The following AMZ2 variants were observed in gnomAD, a reference collection of about 807,000 sequenced individuals.
AMZ2 encodes the protein archaemetzincin-2.
AMZ2 carries 26 observed loss-of-function variants against 36.7 expected under a neutral mutation model. That is an observed-to-expected ratio of 0.71 (90% CI 0.52 to 0.98). The LOEUF (loss-of-function observed/expected upper bound fraction) is 0.98. Ranked by LOEUF, AMZ2 falls within the 50% of genes least tolerant of loss-of-function variation. The probability of loss-of-function intolerance (pLI) is 0.00; values close to 1 mark genes in which losing one functional copy is unlikely to be tolerated. For synonymous variants in AMZ2, 144 were observed against 149.1 expected, an observed-to-expected ratio of 0.97 and a Z score of 0.25; for missense variants, 394 against 430.5, an observed-to-expected ratio of 0.92 and a Z score of 0.75.
chr17:68,237,631 C>T (rs1555732930), intron 1 of AMZ2, among the ~76,000 whole-genome samples: 1 of 152,192 alleles, frequency 6.6e-6, no homozygotes, highest in Non-Finnish European at 1.5e-5. Flanking sequence ...GTTAATGGCT[C>T]ACGGTCCTAG....
intron 1 of AMZ2, among the ~76,000 whole-genome samples, chr17:68,217,933 C>T (rs1193442003): frequency 6.6e-6 from 1 of 151,782 alleles, no homozygotes; most frequent in Non-Finnish European, 1.5e-5. Flanking sequence ...CTGCCTCAGC[C>T]TCCTGAGTAG....
intron 1 of AMZ2, among the ~76,000 whole-genome samples, chr17:68,208,024 T>TC (rs1185461938): frequency 1.3e-5 from 2 of 152,052 alleles, no homozygotes; most frequent in African/African-American, 4.8e-5. Flanking sequence ...GTGCTCAATT[T>TC]CTCGCAGGGC....
rs1445941944 is a variant in AMZ2 at position 68,248,487 on chromosome 17, CCAGCCCACTG to C, written c.-215_-206del. On this transcript the variant is annotated 5_prime_UTR_variant, in exon 1 of 7. The change creates a premature stop within an existing upstream ORF in the 5' untranslated region. Coordinates refer to ENST00000359904, the MANE Select transcript of AMZ2 (RefSeq NM_016627.5). ...TTTGGGACCAAAGCATCCTAGGCCT[CCAGCCCACTG>C]CAGTGACCGAATTCTGCGCCCCCTG... The C allele has an allele frequency of 1.0e-6, 1 of 986,010 alleles. No homozygotes were observed. Among genetic ancestry groups the C allele is most frequent in the African/African-American group, 1.7e-5 (1 of 57,246 alleles). The allele number at this position is 986,010 out of a possible 1,614,324, so 61.1% of individuals were successfully genotyped here.
intron 1 of AMZ2, among the ~76,000 whole-genome samples, chr17:68,230,885 T>C (rs1309880675): frequency 6.6e-6 from 1 of 152,138 alleles, no homozygotes. Flanking sequence ...AAATGATAAA[T>C]TGGCAGATTG....
intron 5 of AMZ2, 101 bp from the exon 6 acceptor site, chr17:68,255,599 G>A: frequency 8.0e-7 from 1 of 1,254,446 alleles, no homozygotes; most frequent in Non-Finnish European, 1.1e-6. Context: ...GTAATGGTAA[G>A]GGAGTTGATT....
chr17:68,214,033 CAG>C (rs1428357119), intron 1 of AMZ2, among the ~76,000 whole-genome samples: 2 of 141,036 alleles, frequency 1.4e-5, no homozygotes, highest in African/African-American at 5.1e-5. Flanking sequence ...CTATTAATGA[CAG>C]GTTTTTTTTT....
At chr17:68,233,540 T>C (rs2073717725) in intron 1 of AMZ2, among the ~76,000 whole-genome samples, 1 of 149,580 alleles carries the variant, frequency 6.7e-6, no homozygotes, top group South Asian at 2.1e-4. Context: ...AGAGAAATTG[T>C]CTTCCCCTGC....
At chr17:68,255,397 A>G (rs2074822573) in intron 5 of AMZ2, among the ~76,000 whole-genome samples, 1 of 152,120 alleles carries the variant, frequency 6.6e-6, no homozygotes. Flanking sequence ...GTTGGCCTCT[A>G]GTGGGTAGAG....
At chr17:68,209,767 C>T (rs935636297) in intron 1 of AMZ2, among the ~76,000 whole-genome samples, 1 of 150,168 alleles carries the variant, frequency 6.7e-6, no homozygotes, top group Non-Finnish European at 1.5e-5. Flanking sequence ...ATTACAGGTG[C>T]CTGCCACCAT....
intron 1 of AMZ2, among the ~76,000 whole-genome samples, chr17:68,229,804 G>C (rs1555730776): frequency 6.6e-6 from 1 of 152,228 alleles, no homozygotes. Flanking sequence ...AGGGGTCCGG[G>C]CTGGTGTAGC....
intron 1 of AMZ2, among the ~76,000 whole-genome samples, chr17:68,224,390 G>A (rs1390812949): frequency 6.6e-6 from 1 of 152,232 alleles, no homozygotes; most frequent in Non-Finnish European, 1.5e-5. Flanking sequence ...AGGCTTCTGT[G>A]TTTACTGAGC....
chr17:68,209,604 G>GTGTGTATA (rs1324576987), intron 1 of AMZ2, among the ~76,000 whole-genome samples: 11 of 117,768 alleles, frequency 9.3e-5, no homozygotes, highest in African/African-American at 3.6e-4. Context: ...GTGTGTGTGT[G>GTGTGTATA]TATATGTATA....
At chr17:68,213,693 TCTC>T (rs1176216333) in intron 1 of AMZ2, among the ~76,000 whole-genome samples, 4 of 152,198 alleles carry the variant, frequency 2.6e-5, no homozygotes, top group Admixed American at 6.5e-5. Context: ...TCTGAGAACT[TCTC>T]CTGACAACTT....
chr17:68,248,796 C>A, intron 1 of AMZ2, 91 bp downstream of exon 1: 1 of 983,542 alleles, frequency 1.0e-6, no homozygotes, highest in East Asian at 8.8e-5. Flanking sequence ...GAGGATGAGC[C>A]TATGCTTATA....
intron 1 of AMZ2, among the ~76,000 whole-genome samples, chr17:68,223,603 G>A (rs1432824705): frequency 2.7e-5 from 4 of 150,110 alleles, no homozygotes; most frequent in Non-Finnish European, 5.9e-5. Context: ...GCAGTGGCAC[G>A]ATCTCAGCTC....
chr17:68,213,884 C>G (rs2073129014), intron 1 of AMZ2, among the ~76,000 whole-genome samples: 1 of 151,896 alleles, frequency 6.6e-6, no homozygotes, highest in Non-Finnish European at 1.5e-5. Context: ...TCGTCCAACC[C>G]TACTATCCAG....
At chr17:68,250,015 T>A in intron 1 of AMZ2, 173 bp from the exon 2 acceptor site, 3 of 659,028 alleles carry the variant, frequency 4.6e-6, no homozygotes, top group Non-Finnish European at 7.6e-6. Flanking sequence ...TTTAATTTCT[T>A]AGATCTCCAA....
chr17:68,256,207 G>A (rs1270634792), intron 6 of AMZ2, among the ~76,000 whole-genome samples: 1 of 152,142 alleles, frequency 6.6e-6, no homozygotes, highest in South Asian at 2.1e-4. Context: ...ATAAGTGTGT[G>A]GACAGGATTT....
chr17:68,229,536 C>G (rs1568355585), intron 1 of AMZ2, among the ~76,000 whole-genome samples: 1 of 152,180 alleles, frequency 6.6e-6, no homozygotes, highest in Admixed American at 6.5e-5. Context: ...TTACCTATGG[C>G]TACATAACAG....
Sources: gnomAD v4.1 joint callset for allele counts (sites outside exome capture counted in the v4.1 genomes callset) on GRCh38, gnomAD v4.1.1 for gene constraint, MANE v1.5 for transcripts, NCBI Gene and HGNC (gene_info 2026-07-23, HGNC 2026-07-21) for gene names.